The following RPN1 variants were observed in gnomAD, a reference collection of about 807,000 sequenced individuals.
The protein encoded by RPN1 is dolichyl-diphosphooligosaccharide--protein glycosyltransferase subunit 1.
RPN1 carries 12 observed loss-of-function variants against 55.5 expected under a neutral mutation model. The ratio of observed to expected loss-of-function variants is 0.22; its 90% CI spans 0.14 to 0.35. The LOEUF (loss-of-function observed/expected upper bound fraction) is 0.35. Among genes scored for constraint, RPN1 ranks in the 10% least tolerant of loss-of-function variants. The pLI, the probability that RPN1 is intolerant of heterozygous loss-of-function variation, is 1.00. For missense variants in RPN1, 679 were observed against 761.3 expected (o/e 0.89, Z 1.27); for synonymous variants, 317 against 305.9 (o/e 1.04, Z -0.38).
intron 1 of RPN1, among the ~76,000 whole-genome samples, chr3:128,650,315 C>CAGG (rs2069807225): frequency 6.6e-6 from 1 of 152,156 alleles, no homozygotes; most frequent in South Asian, 2.1e-4. Flanking sequence ...GTGGCCCAGG[C>CAGG]AGGAGGGCGG....
At chr3:128,649,634 T>C (rs1221378008) in intron 1 of RPN1, among the ~76,000 whole-genome samples, 1 of 152,236 alleles carries the variant, frequency 6.6e-6, no homozygotes, top group Non-Finnish European at 1.5e-5. Context: ...TGAAATTGTT[T>C]AACAACAATA....
chr3:128,635,651 ATAT>A (rs2069674579), intron 3 of RPN1, among the ~76,000 whole-genome samples: 1 of 35,186 alleles, frequency 2.8e-5, no homozygotes, highest in Admixed American at 3.0e-4. Context: ...ATATATATAT[ATAT>A]ATATATATAT....
At chr3:128,630,985 C>T (rs1489490974) in intron 4 of RPN1, among the ~76,000 whole-genome samples, 2 of 151,578 alleles carry the variant, frequency 1.3e-5, no homozygotes, top group East Asian at 2.0e-4. Context: ...TGGTGGCGGG[C>T]GCCTGTAGTC....
chr3:128,632,124 G>C lies in RPN1; in HGVS notation c.667C>G (p.Pro223Ala). 6.2e-7 allele frequency: 1 copy of C among 1,614,186 alleles called. No homozygotes were observed. The highest frequency in any genetic ancestry group is 8.5e-7 in the Non-Finnish European group (1 of 1,180,044). ...TFKVHYENNS[P>A]FLTITSMTRV... ...GTCATGCTGGTGATGGTCAGGAAAG[G>C]GCTGTTGTTCTCATAATGTACTTTA... Residue 223 changes from proline to alanine, a missense_variant, in exon 4 of 10, where the codon CCT becomes GCT. This residue lies in a region of RPN1 where 352 missense variants were observed against 352.8 expected (regional missense o/e 1.00). Transcript: ENST00000296255.
intron 5 of RPN1, among the ~76,000 whole-genome samples, chr3:128,628,800 A>G (rs758256503): frequency 5.3e-5 from 8 of 151,968 alleles, no homozygotes; most frequent in Non-Finnish European, 8.8e-5. Context: ...TGACCAACGT[A>G]GTTAAACCCC....
intron 1 of RPN1, among the ~76,000 whole-genome samples, chr3:128,647,262 T>G (rs1436536177): frequency 1.3e-5 from 2 of 152,104 alleles, no homozygotes; most frequent in African/African-American, 4.8e-5. Flanking sequence ...TGATTCCCAG[T>G]AAGATACAAA....
intron 5 of RPN1, 66 bp from the exon 6 acceptor site, chr3:128,626,898 G>C: frequency 7.1e-7 from 1 of 1,411,192 alleles, no homozygotes; most frequent in Admixed American, 1.7e-5. Flanking sequence ...AGAGAAAGAA[G>C]TACAGGGGCT....
rs1474458123 is a variant in RPN1 at position 128,639,427 on chromosome 3, C to A, written c.327-1322G>T. On this transcript the variant is annotated intron_variant, in intron 2 of 9. Coordinates refer to ENST00000296255, the MANE Select transcript of RPN1 (RefSeq NM_002950.4). ...CGAGATCGTGCCACTGCACTCCAGCCGGGCGACAGAGCGAGATACCGTCTC... is the reference window on the plus strand; with the variant it reads ...CGAGATCGTGCCACTGCACTCCAGCAGGGCGACAGAGCGAGATACCGTCTC... Among the ~76,000 whole-genome samples the A allele has an allele frequency of 1.3e-4, 18 of 138,866 alleles. No individual in the cohort carries two copies. In the Admixed American group the frequency reaches 1.4e-3, roughly 11 times the overall value. 91.1% of individuals were successfully genotyped at this position (138,866 alleles called of 152,430 possible).
In RPN1 at chr3:128,647,575, C is replaced by CT. The variant is rs2069778100; in HGVS notation, c.262-2593dup. On this transcript the variant is annotated intron_variant, in intron 1 of 9. Coordinates refer to ENST00000296255, the MANE Select transcript of RPN1 (RefSeq NM_002950.4). ...GGCGTAGTGGTGCGCACATGTAGTC[C>CT]TAGCTACTCAGGGGGCTAGGTGGGA... Among the ~76,000 whole-genome samples the CT allele has an allele frequency of 2.0e-5, 3 of 151,784 alleles. No individual in the cohort carries two copies. In the South Asian group the frequency reaches 6.2e-4, roughly 32 times the overall value.
chr3:128,649,734 T>C lies in RPN1; in HGVS notation c.261+806A>G, dbSNP rs1219861329. 3.3e-5 allele frequency among the ~76,000 whole-genome samples: 5 copies of C among 152,302 alleles called. No homozygotes were observed. In the East Asian group the frequency reaches 9.6e-4, roughly 29 times the overall value. The stretch of plus-strand genomic sequence containing the variant: ...GTGATCACTGAAATACCTGGAAACA[T>C]TTAAGCCAAACACAGCCATTTATTG... On this transcript the variant is annotated intron_variant, in intron 1 of 9. Coordinates refer to ENST00000296255, the MANE Select transcript of RPN1 (RefSeq NM_002950.4).
chr3:128,620,518 C>A lies in RPN1; in HGVS notation c.1717G>T (p.Val573Leu). ...GTGTCTTTCTTGAGCTTGCCAGCCA[C>A]CAGGCGCTCAGCCTCCACCGCCGAC... is the stretch of plus-strand genomic sequence containing the variant. ...LKSAVEAERLVAGKLKKDTYI... is the reference protein window; with the variant it reads ...LKSAVEAERLLAGKLKKDTYI... The change falls in exon 10 of 10, where the codon GTG becomes TTG. Residue 573 changes from valine (V) to leucine (L), a missense_variant. This residue lies in a region of RPN1 where 306 missense variants were observed against 360.0 expected (regional missense o/e 0.85). Transcript: ENST00000296255. 6.2e-7 allele frequency: 1 copy of A among 1,614,160 alleles called. No homozygotes were observed. The highest frequency in any genetic ancestry group is 8.5e-7 in the Non-Finnish European group (1 of 1,180,010).
At chr3:128,632,480 G>A (rs1054555038) in intron 3 of RPN1, among the ~76,000 whole-genome samples, 3 of 152,128 alleles carry the variant, frequency 2.0e-5, no homozygotes. Flanking sequence ...GATGAAATAA[G>A]AACTACTTAT....
Position 128,622,324 on chromosome 3 carries a change from C to T in RPN1, c.1481G>A (p.Arg494His), listed in dbSNP as rs750695770. 34 of 1,614,078 alleles carry T rather than the reference C, an allele frequency of 2.1e-5. No homozygotes were observed. Among genetic ancestry groups the T allele is most frequent in the African/African-American group, 2.7e-5 (2 of 74,920 alleles). Residue 494 changes from arginine to histidine, a missense_variant, in exon 9 of 10, where the codon CGT becomes CAT. Transcript: ENST00000296255. ...TLVNKRIGLY[R>H]HFDETVNRYK... ...CCTATTGACGGTCTCGTCAAAGTGA[C>T]GGTAAAGGCCTATTCTCTTGTTGAC...
chr3:128,628,049 G>C (rs1441791780), intron 5 of RPN1, among the ~76,000 whole-genome samples: 1 of 25,950 alleles, frequency 3.9e-5, no homozygotes, highest in Non-Finnish European at 8.7e-5. Flanking sequence ...CCTGAGGTCA[G>C]GAGTTCGAGA....
intron 2 of RPN1, among the ~76,000 whole-genome samples, chr3:128,639,471 A>T (rs930530143): frequency 2.2e-4 from 34 of 152,154 alleles, no homozygotes; most frequent in Non-Finnish European, 1.5e-4. Flanking sequence ...AAAAAAAAAA[A>T]AAATGAATGA....
intron 3 of RPN1, among the ~76,000 whole-genome samples, chr3:128,634,706 G>C (rs996778493): frequency 2.0e-5 from 3 of 151,910 alleles, no homozygotes; most frequent in African/African-American, 7.3e-5. Context: ...AGAATTACAG[G>C]TGCACGCCAG....
intron 3 of RPN1, 139 bp downstream of exon 3, chr3:128,637,660 G>C: frequency 1.2e-6 from 1 of 842,558 alleles, no homozygotes; most frequent in Non-Finnish European, 1.9e-6. Flanking sequence ...TTCACTGCAG[G>C]TTAAACACTT....
intron 1 of RPN1, among the ~76,000 whole-genome samples, chr3:128,649,594 C>T (rs1475104617): frequency 6.6e-6 from 1 of 152,210 alleles, no homozygotes; most frequent in African/African-American, 2.4e-5. Context: ...AATGACTATT[C>T]TCTCAACAAA....
chr3:128,643,320 T>C (rs1294143252), intron 2 of RPN1, among the ~76,000 whole-genome samples: 1 of 139,372 alleles, frequency 7.2e-6, no homozygotes, highest in Non-Finnish European at 1.5e-5. Context: ...AGACCAAGAC[T>C]CCATCTCCAA....
Sources: gnomAD v4.1 joint callset for allele counts (sites outside exome capture counted in the v4.1 genomes callset) on GRCh38, gnomAD v4.1.1 for gene constraint, gnomAD v4.1.1 regional missense constraint, MANE v1.5 for transcripts, NCBI Gene and HGNC (gene_info 2026-07-23, HGNC 2026-07-21) for gene names.